Variants in ZHX2 observed in about 807,000 individuals in gnomAD.
ZHX2 encodes the protein zinc fingers and homeoboxes 2.
ZHX2 carries 6 observed loss-of-function variants against 21.9 expected under a neutral mutation model. The ratio of observed to expected loss-of-function variants is 0.27; its 90% CI spans 0.15 to 0.54. The LOEUF (loss-of-function observed/expected upper bound fraction) is 0.54. Among genes scored for constraint, ZHX2 ranks in the 20% least tolerant of loss-of-function variants. The pLI, the probability that ZHX2 is intolerant of heterozygous loss-of-function variation, is 0.95. For synonymous variants in ZHX2, 434 were observed against 437.1 expected, an observed-to-expected ratio of 0.99 and a Z score of 0.09; for missense variants, 908 against 1,090.7, an observed-to-expected ratio of 0.83 and a Z score of 2.36.
intron 1 of ZHX2, among the ~76,000 whole-genome samples, chr8:122,803,553 C>A (rs1436082818): frequency 6.6e-6 from 1 of 152,226 alleles, no homozygotes; most frequent in African/African-American, 2.4e-5. Context: ...CAACTCCATG[C>A]CAGCAGCACC....
intron 2 of ZHX2, among the ~76,000 whole-genome samples, chr8:122,866,576 T>G (rs58187997): frequency 0.027 from 4,119 of 152,234 alleles, 191 homozygotes; most frequent in African/African-American, 0.092. Flanking sequence ...TATTCTAGAT[T>G]CCTTTTCCCA....
At chr8:122,844,148 G>A (rs1436087359) in intron 1 of ZHX2, among the ~76,000 whole-genome samples, 1 of 152,198 alleles carries the variant, frequency 6.6e-6, no homozygotes, top group Non-Finnish European at 1.5e-5. Context: ...AGGAAAAAGG[G>A]AACTGCCCTG....
chr8:122,814,248 T>C (rs1233444815), intron 1 of ZHX2, among the ~76,000 whole-genome samples: 1 of 152,250 alleles, frequency 6.6e-6, no homozygotes, highest in Non-Finnish European at 1.5e-5. Context: ...GTTGCTAGGA[T>C]TGGCTCTCTA....
intron 1 of ZHX2, among the ~76,000 whole-genome samples, chr8:122,786,192 G>C (rs192305831): frequency 2.8e-4 from 43 of 152,266 alleles, no homozygotes; most frequent in African/African-American, 8.2e-4. Flanking sequence ...AAGCTGGAAG[G>C]GGGTGCCATT....
chr8:122,852,451 T>G (rs1818923007), intron 1 of ZHX2, among the ~76,000 whole-genome samples: 1 of 152,086 alleles, frequency 6.6e-6, no homozygotes, highest in East Asian at 1.9e-4. Flanking sequence ...CACCGTGTAA[T>G]AGTAGTCACC....
At chr8:122,951,008 T>C (rs1813096076) in intron 2 of ZHX2, among the ~76,000 whole-genome samples, 2 of 152,092 alleles carry the variant, frequency 1.3e-5, no homozygotes, top group Non-Finnish European at 2.9e-5. Context: ...TTCAGAGGAT[T>C]TTAGGACCTG....
chr8:122,855,008 C>T (rs1037396602), intron 1 of ZHX2, among the ~76,000 whole-genome samples: 8 of 152,138 alleles, frequency 5.3e-5, no homozygotes, highest in African/African-American at 7.2e-5. Context: ...TACATATTTC[C>T]GGAATAAATG....
Position 122,953,938 on chromosome 8 carries a change from A to G in ZHX2, c.2428A>G (p.Ser810Gly). Reference protein sequence around the residue: ...EEDAISDRSDSWSQAAAEGVS... With the variant: ...EEDAISDRSDGWSQAAAEGVS... ...GGATGCGATCTCAGATAGATCAGAT[A>G]GCTGGAGTCAGGCTGCGGCAGAAGG... Residue 810 changes from serine to glycine, a missense_variant, in exon 3 of 4, where the codon AGC (serine) becomes GGC (glycine). Around this residue, in one of 4 missense-constraint regions of ZHX2, gnomAD observed 431 missense variants for 428.6 expected, o/e 1.01. Transcript: ENST00000314393. The surrounding 1 kb of genome is among the most constrained non-coding windows in gnomAD (Gnocchi z 4.6). 1 of 1,614,168 alleles carries G rather than the reference A, an allele frequency of 6.2e-7. No individual in the cohort carries two copies. Among genetic ancestry groups the G allele is most frequent in the Admixed American group, 1.7e-5 (1 of 60,020 alleles).
Position 122,973,731 on chromosome 8 carries a change from AG to A in ZHX2, c.*495del, listed in dbSNP as rs893224563. 1 of 152,444 alleles carries A rather than the reference AG, an allele frequency of 6.6e-6. No individual in the cohort carries two copies. The highest frequency in any genetic ancestry group is 2.4e-5 in the African/African-American group (1 of 41,370). 9.4% of individuals were successfully genotyped at this position (152,444 alleles called of 1,614,324 possible). On this transcript the variant is annotated 3_prime_UTR_variant, in exon 4 of 4. Coordinates refer to ENST00000314393, the MANE Select transcript of ZHX2 (RefSeq NM_014943.5). The stretch of plus-strand genomic sequence containing the variant: ...GTGCCATGATATCTACTGGATTTTA[AG>A]TAGGGAGACTTTATTTTTAAAGGTA...
At chr8:122,841,183 C>T (rs1385180818) in intron 1 of ZHX2, among the ~76,000 whole-genome samples, 5 of 152,188 alleles carry the variant, frequency 3.3e-5, no homozygotes, top group African/African-American at 1.2e-4. Context: ...CTTCCCCTGA[C>T]ACTTCCCTGC....
intron 3 of ZHX2, among the ~76,000 whole-genome samples, chr8:122,954,846 T>C: frequency 8.2e-6 from 1 of 121,328 alleles, no homozygotes; most frequent in East Asian, 2.0e-4. Flanking sequence ...AGGTTGTTTC[T>C]TTTTTTTTTT....
chr8:122,841,543 G>A (rs1212051718), intron 1 of ZHX2, among the ~76,000 whole-genome samples: 2 of 152,104 alleles, frequency 1.3e-5, no homozygotes, highest in Non-Finnish European at 2.9e-5. Flanking sequence ...TGGAGGGTCG[G>A]GGGTTGGGGG....
chr8:122,838,607 ACT>A (rs1308374823), intron 1 of ZHX2, among the ~76,000 whole-genome samples: 1 of 127,394 alleles, frequency 7.8e-6, no homozygotes, highest in Non-Finnish European at 1.6e-5. Context: ...GACAGAGTTC[ACT>A]CTGTCACCCA....
chr8:122,968,134 T>G (rs1272985381), intron 3 of ZHX2, among the ~76,000 whole-genome samples: 1 of 152,194 alleles, frequency 6.6e-6, no homozygotes, highest in Non-Finnish European at 1.5e-5. Context: ...ATGTAAGCAC[T>G]TTGGGGAATC....
chr8:122,934,445 A>G (rs1038726725), intron 2 of ZHX2, among the ~76,000 whole-genome samples: 1 of 152,192 alleles, frequency 6.6e-6, no homozygotes, highest in Non-Finnish European at 1.5e-5. Context: ...TCTCACCATA[A>G]TTATATTCTG....
chr8:122,847,261 CTCTGCACTTCTCCCGTCAAG>C (rs1818772495), intron 1 of ZHX2, among the ~76,000 whole-genome samples: 1 of 152,186 alleles, frequency 6.6e-6, no homozygotes, highest in South Asian at 2.1e-4. Flanking sequence ...AGCCAGAAAT[CTCTGCACTTCTCCCGTCAAG>C]TCTGCCTCCC....
At chr8:122,856,056 G>A (rs142267707) in intron 1 of ZHX2, among the ~76,000 whole-genome samples, 1 of 152,300 alleles carries the variant, frequency 6.6e-6, no homozygotes, top group Non-Finnish European at 1.5e-5. Context: ...ACAGGCTTGG[G>A]TTCAAATCAC....
chr8:122,897,115 A>G (rs115022065), intron 2 of ZHX2, among the ~76,000 whole-genome samples: 127 of 152,330 alleles, frequency 8.3e-4, no homozygotes, highest in Admixed American at 2.3e-3. Context: ...CTGCTCAAAT[A>G]GGAGCCTGGG....
chr8:122,843,961 A>T (rs548676890), intron 1 of ZHX2, among the ~76,000 whole-genome samples: 1 of 25,514 alleles, frequency 3.9e-5, no homozygotes, highest in Non-Finnish European at 7.3e-5. Context: ...CTCACCCTTC[A>T]CACACACACA....
Sources: allele counts gnomAD v4.1 joint callset (sites outside exome capture counted in the v4.1 genomes callset), GRCh38; gene constraint gnomAD v4.1.1; regional missense constraint gnomAD v4.1.1; non-coding constraint Gnocchi (gnomAD v3.1); transcripts MANE v1.5; gene names NCBI Gene and HGNC (gene_info 2026-07-23, HGNC 2026-07-21).